The following BAHD1 variants were observed in gnomAD, a reference collection of about 807,000 sequenced individuals.
BAHD1 encodes the protein bromo adjacent homology domain containing 1, also known as bromo adjacent homology domain-containing 1 protein.
BAHD1 carries 20 observed loss-of-function variants against 63.1 expected under a neutral mutation model. That is an observed-to-expected ratio of 0.32 (90% CI 0.22 to 0.46). The LOEUF is 0.46. Among genes scored for constraint, BAHD1 ranks in the 20% least tolerant of loss-of-function variants. The pLI is 1.00. For synonymous variants in BAHD1, 408 were observed against 426.8 expected (o/e 0.96, Z 0.54); for missense variants, 939 against 1,071.8 (o/e 0.88, Z 1.73).
intron 3 of BAHD1, 132 bp downstream of exon 3, chr15:40,462,426 T>G: frequency 7.7e-7 from 1 of 1,306,746 alleles, no homozygotes; most frequent in South Asian, 1.4e-5. Flanking sequence ...AGTTTACTTG[T>G]ACCCCAGGAA....
chr15:40,447,168 T>C (rs954240437), intron 1 of BAHD1, among the ~76,000 whole-genome samples: 3 of 152,222 alleles, frequency 2.0e-5, no homozygotes, highest in African/African-American at 2.4e-5. Flanking sequence ...AAGTCACGTT[T>C]CCACCATAGT....
In BAHD1 at chr15:40,459,716, G is replaced by C. The variant is rs140818617; in HGVS notation, c.1252G>C (p.Ala418Pro). Residue 418 changes from alanine to proline, a missense_variant, in exon 2 of 7, where the codon GCT (alanine) becomes CCT (proline). By Grantham distance (27) the Ala-to-Pro change is conservative. Transcript: ENST00000416165. ...AAPHEEGLLLAPSSVPSGTPF... is the reference protein window; with the variant it reads ...AAPHEEGLLLPPSSVPSGTPF... ...ACCTCACGAGGAGGGGCTCCTCTTA[G>C]CTCCGAGCTCAGTGCCCTCAGGCAC... The C allele has an allele frequency of 3.5e-5, 56 of 1,613,842 alleles. No individual in the cohort carries two copies. In the East Asian group the frequency reaches 3.8e-4, roughly 11 times the overall value.
At chr15:40,460,650 G>GC (rs1894012504) in intron 2 of BAHD1, among the ~76,000 whole-genome samples, 1 of 152,264 alleles carries the variant, frequency 6.6e-6, no homozygotes, top group East Asian at 1.9e-4. Context: ...CCCTAAACTG[G>GC]CAGAGGTATC....
chr15:40,439,981 T>A (rs1037170517), upstream of BAHD1: 1 of 152,274 alleles, frequency 6.6e-6, no homozygotes, highest in African/African-American at 2.4e-5. Flanking sequence ...TGTCTACACT[T>A]GGTTCTCCCG....
chr15:40,457,603 G>C (rs1263734090), intron 1 of BAHD1, among the ~76,000 whole-genome samples: 2 of 152,236 alleles, frequency 1.3e-5, no homozygotes, highest in African/African-American at 4.8e-5. Context: ...CAGCAGGCAG[G>C]GTCCCCATCT....
At position 40,458,992 on chromosome 15, in the gene BAHD1, T is replaced by C. The variant is rs1325802342; in HGVS notation, c.528T>C (p.Leu176=). 18 of 1,585,032 alleles carry C rather than the reference T, an allele frequency of 1.1e-5. No individual in the cohort carries two copies. The highest frequency in any genetic ancestry group is 1.4e-5 in the Non-Finnish European group (16 of 1,163,558). Residue 176 remains leucine (L), a synonymous_variant, in exon 2 of 7, where the codon CTT becomes CTC. Transcript: ENST00000416165. The surrounding 1 kb of genome is among the most constrained non-coding windows in gnomAD (Gnocchi z 4.7). Reference sequence around the variant, plus strand: ...AGAAGCGGCCCCGGCTGGGGGACCTTGGAGGAGGAAGTCGGGACCTGTCTC... The same window carrying C: ...AGAAGCGGCCCCGGCTGGGGGACCTCGGAGGAGGAAGTCGGGACCTGTCTC... ...SSKKRPRLGD[L]GGGSRDLSPE... is the part of the protein sequence containing the mutation.
intron 1 of BAHD1, among the ~76,000 whole-genome samples, chr15:40,457,461 T>C (rs1893881491): frequency 6.6e-6 from 1 of 152,154 alleles, no homozygotes; most frequent in Non-Finnish European, 1.5e-5. Context: ...AGCTGAGACC[T>C]CTCCACCATG....
At chr15:40,443,986 C>G (rs576265294) in intron 1 of BAHD1, among the ~76,000 whole-genome samples, 1 of 152,284 alleles carries the variant, frequency 6.6e-6, no homozygotes, top group African/African-American at 2.4e-5. Context: ...TCAGACCACT[C>G]CAGGCCAACA....
chr15:40,452,535 C>T (rs1035886470), intron 1 of BAHD1, among the ~76,000 whole-genome samples: 3 of 152,230 alleles, frequency 2.0e-5, no homozygotes, highest in Non-Finnish European at 2.9e-5. Flanking sequence ...TGCCCCGGCC[C>T]TCTTGCTCAG....
chr15:40,452,063 T>C (rs1050311449), intron 1 of BAHD1, among the ~76,000 whole-genome samples: 42 of 152,370 alleles, frequency 2.8e-4, no homozygotes, highest in African/African-American at 9.9e-4. Flanking sequence ...TATACTCTTG[T>C]TTCTCTTGTC....
At chr15:40,440,289 A>G (rs1288819643), upstream of BAHD1, among the ~76,000 whole-genome samples, 1 of 152,112 alleles carries the variant, frequency 6.6e-6, no homozygotes, top group Non-Finnish European at 1.5e-5. Context: ...AAAGGAAAGG[A>G]GACGTGGCAG....
chr15:40,437,664 GA>G (rs1893301379), upstream of BAHD1, among the ~76,000 whole-genome samples: 1 of 152,234 alleles, frequency 6.6e-6, no homozygotes, highest in Non-Finnish European at 1.5e-5. Context: ...AAGAAGGTGG[GA>G]CCTGGGCAGG....
Position 40,449,829 on chromosome 15 carries a change from A to G in BAHD1, c.-15+8561A>G, listed in dbSNP as rs183522698. 2.4e-3 allele frequency among the ~76,000 whole-genome samples: 369 copies of G among 151,940 alleles called. 3 individuals are homozygous for G. Among genetic ancestry groups the G allele is most frequent in the East Asian group, 0.023 (118 of 5,174 alleles). The stretch of plus-strand genomic sequence containing the variant: ...GACCCTGTCTCAAAAAAAAAAAAAA[A>G]AAAGAAAATGAAAATTGATGGTAAT... On this transcript the variant is annotated intron_variant, in intron 1 of 6. Coordinates refer to ENST00000416165, the MANE Select transcript of BAHD1 (RefSeq NM_014952.5).
At chr15:40,454,687 A>G (rs1363888533) in intron 1 of BAHD1, 3 of 152,212 alleles carry the variant, frequency 2.0e-5, no homozygotes, top group Admixed American at 1.3e-4. Flanking sequence ...CCTTCCCAAG[A>G]GGGCATGGAC....
chr15:40,438,071 C>G (rs1566955661), upstream of BAHD1, among the ~76,000 whole-genome samples: 1 of 152,204 alleles, frequency 6.6e-6, no homozygotes, highest in African/African-American at 2.4e-5. Flanking sequence ...AGTGCCAAAC[C>G]CTTTTTTCAG....
rs1894235921 is a variant in BAHD1 at position 40,467,153 on chromosome 15, T to A, written c.*1023T>A. On this transcript the variant is annotated 3_prime_UTR_variant, in exon 7 of 7. Coordinates refer to ENST00000416165, the MANE Select transcript of BAHD1 (RefSeq NM_014952.5). The stretch of plus-strand genomic sequence containing the variant: ...TCAACACTGTATCAGTCCACGGACC[T>A]GCTGAGCTGCAGCCACTTGCTCTAG... The A allele has an allele frequency of 6.5e-6, 1 of 152,718 alleles. No individual in the cohort carries two copies. Among genetic ancestry groups the A allele is most frequent in the Admixed American group, 6.5e-5 (1 of 15,292 alleles). 9.5% of individuals were successfully genotyped at this position (152,718 alleles called of 1,614,324 possible). A position where few individuals can be genotyped will look rare whatever the true frequency, so the allele number is the denominator to read the frequency against.
upstream of BAHD1, among the ~76,000 whole-genome samples, chr15:40,440,855 G>A (rs988070642): frequency 3.9e-5 from 6 of 152,280 alleles, no homozygotes; most frequent in African/African-American, 1.4e-4. Flanking sequence ...CCAGCGCAGG[G>A]CGGGGCGGCT....
intron 4 of BAHD1, 144 bp from the exon 5 acceptor site, chr15:40,464,327 C>G: frequency 1.4e-6 from 1 of 729,148 alleles, no homozygotes; most frequent in Non-Finnish European, 2.3e-6. Flanking sequence ...CCTCTGAATG[C>G]TTGGCCTGGG....
At chr15:40,457,270 G>C (rs113453032) in intron 1 of BAHD1, among the ~76,000 whole-genome samples, 1 of 152,136 alleles carries the variant, frequency 6.6e-6, no homozygotes, top group Non-Finnish European at 1.5e-5. Flanking sequence ...GCAGGTCTAC[G>C]CACCGTCCCT....
Sources: allele counts gnomAD v4.1 joint callset (sites outside exome capture counted in the v4.1 genomes callset), GRCh38; gene constraint gnomAD v4.1.1; non-coding constraint Gnocchi (gnomAD v3.1); transcripts MANE v1.5; gene names NCBI Gene and HGNC (gene_info 2026-07-23, HGNC 2026-07-21).